CLINT1: variants seen among roughly 807,000 people sequenced by gnomAD.
The protein encoded by CLINT1 is clathrin interactor 1, also known as clathrin interacting protein localized in the trans-Golgi region.
A neutral mutation model predicts 70.4 loss-of-function variants in CLINT1; 15 were observed. That is an observed-to-expected ratio of 0.21 (90% confidence interval 0.14 to 0.33). CLINT1 has a LOEUF of 0.33. CLINT1 is among the 10% of genes least tolerant of loss of function. CLINT1 has a pLI of 1.00. For missense variants in CLINT1, 615 were observed against 778.1 expected (o/e 0.79, Z 2.49); for synonymous variants, 227 against 254.7 (o/e 0.89, Z 1.04).
intron 7 of CLINT1, among the ~76,000 whole-genome samples, chr5:157,804,012 A>C (rs1452514086): frequency 1.3e-5 from 2 of 149,736 alleles, no homozygotes; most frequent in Non-Finnish European, 3.0e-5. Flanking sequence ...TCCCACTTGA[A>C]TCTTAATGCT....
At chr5:157,844,095 T>C (rs1257406758) in intron 1 of CLINT1, among the ~76,000 whole-genome samples, 1 of 152,120 alleles carries the variant, frequency 6.6e-6, no homozygotes, top group Non-Finnish European at 1.5e-5. Context: ...GGCTATAGTT[T>C]TTTTCATTTT....
chr5:157,792,560 G>A (rs1020763282), intron 9 of CLINT1, among the ~76,000 whole-genome samples: 2 of 151,792 alleles, frequency 1.3e-5, no homozygotes, highest in Admixed American at 6.6e-5. Context: ...AAAAAATGAA[G>A]AATTTCTCAC....
At chr5:157,810,636 G>T (rs1762526323) in intron 5 of CLINT1, among the ~76,000 whole-genome samples, 1 of 152,140 alleles carries the variant, frequency 6.6e-6, no homozygotes, top group Non-Finnish European at 1.5e-5. Context: ...GGAGACATAG[G>T]AATTACAGAC....
chr5:157,821,739 A>G (rs984626203), intron 1 of CLINT1, among the ~76,000 whole-genome samples: 4 of 152,244 alleles, frequency 2.6e-5, no homozygotes, highest in Non-Finnish European at 5.9e-5. Flanking sequence ...TGGGTAGTTC[A>G]GCAGTATAAC....
chr5:157,793,826 C>G (rs1561637358), intron 9 of CLINT1, among the ~76,000 whole-genome samples: 1 of 152,106 alleles, frequency 6.6e-6, no homozygotes, highest in African/African-American at 2.4e-5. Context: ...TATCTTTTTT[C>G]TAACTCCTCA....
intron 1 of CLINT1, among the ~76,000 whole-genome samples, chr5:157,838,143 T>C (rs1198512465): frequency 1.4e-5 from 2 of 142,168 alleles, no homozygotes; most frequent in African/African-American, 5.2e-5. Flanking sequence ...TTTTTTGAGA[T>C]GGAGTCTTGC....
At position 157,839,331 on chromosome 5, in the gene CLINT1, C is replaced by T. The variant is rs150865159; in HGVS notation, c.41+19599G>A. Among the ~76,000 whole-genome samples the T allele has an allele frequency of 5.7e-3, 869 of 151,668 alleles. 8 individuals are homozygous for T. The highest frequency in any genetic ancestry group is 0.02 in the African/African-American group (821 of 41,390). On this transcript the variant is annotated intron_variant, in intron 1 of 11. Transcript: ENST00000411809. ...GAACTTTGTCCCAGGCCAGGTGCGG[C>T]GGCTTACGCCTGCAATCCCAGCACT...
At chr5:157,809,277 A>C (rs981738805) in intron 6 of CLINT1, 2 of 173,822 alleles carry the variant, frequency 1.2e-5, no homozygotes, top group African/African-American at 4.8e-5. Context: ...CATTTGTCGA[A>C]ACCCATAGAA....
intron 1 of CLINT1, among the ~76,000 whole-genome samples, chr5:157,824,360 A>T (rs896695645): frequency 6.6e-6 from 1 of 152,222 alleles, no homozygotes; most frequent in Non-Finnish European, 1.5e-5. Context: ...GTCAACGGCC[A>T]AGAAGCCTAC....
intron 8 of CLINT1, among the ~76,000 whole-genome samples, chr5:157,803,124 A>G (rs1762278386): frequency 1.3e-5 from 2 of 152,254 alleles, no homozygotes; most frequent in Non-Finnish European, 2.9e-5. Context: ...AGGGAAAGAC[A>G]GTAAAATGCG....
chr5:157,824,465 C>T (rs527969471), intron 1 of CLINT1, among the ~76,000 whole-genome samples: 70 of 152,224 alleles, frequency 4.6e-4, no homozygotes, highest in African/African-American at 1.6e-3. Context: ...ACTCATTCGT[C>T]CACATGGTGG....
Position 157,813,228 on chromosome 5 carries a change from CTATGA to C in CLINT1, c.353-6_353-2del. Reference sequence around the variant, plus strand: ...ATACCTTGATCCTTACCATGCTCATCTATGAGGATGGTAAGAGATAAGCAAAACCT... The same window carrying C: ...ATACCTTGATCCTTACCATGCTCATCGGATGGTAAGAGATAAGCAAAACCT... On this transcript the variant is annotated splice_acceptor_variant and splice_polypyrimidine_tract_variant and intron_variant, in intron 4 of 11. Transcript: ENST00000411809. LOFTEE classifies it high-confidence loss of function. 6.2e-7 allele frequency: 1 copy of C among 1,610,818 alleles called. No homozygotes were observed.
intron 1 of CLINT1, among the ~76,000 whole-genome samples, chr5:157,853,425 G>C (rs943570380): frequency 1.3e-5 from 2 of 151,864 alleles, no homozygotes; most frequent in Admixed American, 6.6e-5. Context: ...CTAGCAAATG[G>C]CACTCAAAAT....
chr5:157,787,964 A>G lies in CLINT1; in HGVS notation c.1560T>C (p.Thr520=), dbSNP rs1250975866. The part of the protein sequence containing the change: ...QNMQQPMNVM[T]QSFGAVNLSS... ...TGAGGTTCACAGCTCCAAAACTTTGAGTCATCACATTCATAGGCTGCTGCA... is the reference window on the plus strand; with the variant it reads ...TGAGGTTCACAGCTCCAAAACTTTGGGTCATCACATTCATAGGCTGCTGCA... Residue 520 remains threonine, a synonymous_variant, in exon 12 of 12, where the codon ACT becomes ACC. Coordinates refer to ENST00000411809, the MANE Select transcript of CLINT1 (RefSeq NM_014666.4). 5 of 1,610,780 alleles carry G rather than the reference A, an allele frequency of 3.1e-6. No homozygotes were observed. Among genetic ancestry groups the G allele is most frequent in the Non-Finnish European group, 4.2e-6 (5 of 1,178,292 alleles).
intron 1 of CLINT1, among the ~76,000 whole-genome samples, chr5:157,836,032 GGTT>G (rs1198131469): frequency 6.6e-6 from 1 of 152,158 alleles, no homozygotes; most frequent in African/African-American, 2.4e-5. Flanking sequence ...TTTTCTGGCA[GGTT>G]GTTAATTGAA....
intron 8 of CLINT1, among the ~76,000 whole-genome samples, chr5:157,798,847 G>C (rs1212047545): frequency 6.6e-6 from 1 of 151,950 alleles, no homozygotes; most frequent in Non-Finnish European, 1.5e-5. Context: ...GAAAACAAGG[G>C]ATTAACTGGC....
At chr5:157,824,234 G>T (rs1171094662) in intron 1 of CLINT1, among the ~76,000 whole-genome samples, 1 of 152,112 alleles carries the variant, frequency 6.6e-6, no homozygotes, top group East Asian at 1.9e-4. Context: ...TTTATCAGGG[G>T]ATAGCCTCCA....
chr5:157,791,540 G>C (rs948730517), intron 10 of CLINT1, 163 bp downstream of exon 10: 2 of 665,994 alleles, frequency 3.0e-6, no homozygotes, highest in Non-Finnish European at 2.5e-6. Flanking sequence ...AGAGTATGAG[G>C]TAAATGAAAT....
rs1235928561 is a variant in CLINT1, at chr5:157,846,832, C to T, written c.41+12098G>A. Among the ~76,000 whole-genome samples, 3 of 152,318 alleles carry T rather than the reference C, an allele frequency of 2.0e-5. No homozygotes were observed. The East Asian group carries it at 5.8e-4, about 29-fold the overall frequency. ...TAAGAATTATGCTAAATCTACTCTG[C>T]TTGTGCTATAGAAATAGAACAACAA... On this transcript the variant is annotated intron_variant, in intron 1 of 11. Transcript: ENST00000411809.
Sources: gnomAD v4.1 joint callset for allele counts (sites outside exome capture counted in the v4.1 genomes callset) on GRCh38, gnomAD v4.1.1 for gene constraint, MANE v1.5 for transcripts, NCBI Gene and HGNC (gene_info 2026-07-23, HGNC 2026-07-21) for gene names.